Variants in SLC26A8 observed in about 807,000 individuals in gnomAD.
SLC26A8 encodes solute carrier family 26 member 8.
Under a neutral mutation model 105.0 loss-of-function variants are expected in SLC26A8, and 70 were observed. The observed-to-expected ratio is 0.67, with a 90% confidence interval of 0.55 to 0.81. The LOEUF (loss-of-function observed/expected upper bound fraction) is 0.81. SLC26A8 is among the 40% of genes least tolerant of loss of function. The probability of loss-of-function intolerance (pLI) is 0.00; values close to 1 mark genes in which losing one functional copy is unlikely to be tolerated. For missense variants in SLC26A8, 998 were observed against 1,181.8 expected (o/e 0.84, Z 2.28); for synonymous variants, 415 against 438.3 (o/e 0.95, Z 0.66).
intron 3 of SLC26A8, among the ~76,000 whole-genome samples, chr6:36,004,820 ATTT>A (rs750395557): frequency 0.12 from 14,335 of 121,718 alleles, 831 homozygotes; most frequent in Middle Eastern, 0.14. Context: ...ACCTAGTTAA[ATTT>A]TTTTTTTTTT....
chr6:35,948,630 C>A (rs1180674838), intron 19 of SLC26A8, among the ~76,000 whole-genome samples: 1 of 151,996 alleles, frequency 6.6e-6, no homozygotes, highest in Non-Finnish European at 1.5e-5. Flanking sequence ...GATACTGAAG[C>A]TATACAGAAA....
rs766782790 is a variant in SLC26A8, at chr6:35,977,285, T to C, written c.1092A>G (p.Leu364=). Residue 364 remains leucine, a synonymous_variant, in exon 9 of 20, where the codon TTA becomes TTG. Transcript: ENST00000490799. ...TGAGCAGAAAGGAGCTCACCAAAGA[T>C]AAGGAGAAGGCTTGTAAAATTATCT... ...LPKIILQAFS[L]SLVSSFLLIF... is the part of the protein sequence containing the mutation. 2.5e-6 allele frequency: 4 copies of C among 1,614,016 alleles called. No homozygotes were observed. The highest frequency in any genetic ancestry group is 2.5e-6 in the Non-Finnish European group (3 of 1,179,982).
At chr6:35,955,905 T>A (rs1243809578) in intron 16 of SLC26A8, among the ~76,000 whole-genome samples, 1 of 152,126 alleles carries the variant, frequency 6.6e-6, no homozygotes, top group Non-Finnish European at 1.5e-5. Context: ...ACCCTCTTCC[T>A]TCATCAGTGC....
At chr6:35,980,817 A>T (rs1773237401) in intron 8 of SLC26A8, among the ~76,000 whole-genome samples, 2 of 152,154 alleles carry the variant, frequency 1.3e-5, no homozygotes, top group Admixed American at 1.3e-4. Context: ...GTTCGAGATC[A>T]GCCTGGCCAA....
intron 1 of SLC26A8, 112 bp downstream of exon 1, chr6:36,024,392 C>A: frequency 2.2e-6 from 1 of 447,124 alleles, no homozygotes; most frequent in Non-Finnish European, 4.5e-6. Context: ...GACTGAGTGC[C>A]CACGGCGTGC....
chr6:35,973,706 C>T (rs1284165027), intron 10 of SLC26A8, among the ~76,000 whole-genome samples: 1 of 152,178 alleles, frequency 6.6e-6, no homozygotes, highest in Non-Finnish European at 1.5e-5. Flanking sequence ...ATCTTTCTGA[C>T]TTGTATTACC....
chr6:35,970,992 CT>C (rs1772776798), intron 10 of SLC26A8, among the ~76,000 whole-genome samples: 2 of 152,168 alleles, frequency 1.3e-5, no homozygotes, highest in South Asian at 4.1e-4. Flanking sequence ...CGCCAATGCA[CT>C]CCAGCCAGGG....
chr6:35,944,375 T>C, intron 19 of SLC26A8, 35 bp from the exon 20 acceptor site: 1 of 1,465,310 alleles, frequency 6.8e-7, no homozygotes, highest in Non-Finnish European at 9.5e-7. Flanking sequence ...AATTTCTAAT[T>C]AAATTTAACC....
At chr6:35,958,855 A>C (rs1373002180) in intron 16 of SLC26A8, among the ~76,000 whole-genome samples, 1 of 152,154 alleles carries the variant, frequency 6.6e-6, no homozygotes, top group Non-Finnish European at 1.5e-5. Context: ...GGGGGAAGGG[A>C]CTACTTAGAT....
At position 36,012,334 on chromosome 6, in the gene SLC26A8, AT is replaced by A. The variant is rs1761883839; in HGVS notation, c.226del (p.Ile76SerfsTer5). On this transcript the variant is annotated frameshift_variant, in exon 3 of 20. Coordinates refer to ENST00000490799, the MANE Select transcript of SLC26A8 (RefSeq NM_052961.4). LOFTEE classifies it high-confidence loss of function. ...ACACATCCATTCTAGGAAGGGAAAG[AT>A]TGTAAGCACGCATCGTAGGAACCTG... ...WHRFLRCVLTIFPFLEWMCMY... is the reference protein window; with the variant it reads ...WHRFLRCVLTXFPFLEWMCMY... The A allele has an allele frequency of 1.2e-6, 2 of 1,606,368 alleles. No homozygotes were observed. The highest frequency in any genetic ancestry group is 2.7e-5 in the African/African-American group (2 of 74,574).
chr6:35,997,979 C>A, intron 4 of SLC26A8, 60 bp from the exon 5 acceptor site: 1 of 1,490,892 alleles, frequency 6.7e-7, no homozygotes, highest in East Asian at 2.3e-5. Context: ...CTGATATTGA[C>A]AAAAGCAAGG....
At chr6:36,000,543 G>A (rs924890168) in intron 3 of SLC26A8, among the ~76,000 whole-genome samples, 9 of 152,202 alleles carry the variant, frequency 5.9e-5, no homozygotes, top group African/African-American at 2.2e-4. Context: ...AAGTTGGTAT[G>A]TGTTGGTTCT....
At chr6:35,960,683 A>C (rs1311221224) in intron 14 of SLC26A8, 160 bp downstream of exon 14, 14 of 704,876 alleles carry the variant, frequency 2.0e-5, no homozygotes, top group Non-Finnish European at 3.1e-5. Flanking sequence ...AATAAAAACA[A>C]AGAACCCATC....
intron 17 of SLC26A8, 104 bp from the exon 18 acceptor site, chr6:35,951,603 A>G: frequency 2.5e-6 from 3 of 1,217,902 alleles, no homozygotes; most frequent in South Asian, 2.5e-5. Flanking sequence ...TTTTTGTGAC[A>G]GAGTCTCACT....
chr6:35,978,839 TTCTTC>T (rs1366833503), intron 8 of SLC26A8, among the ~76,000 whole-genome samples: 1 of 140,182 alleles, frequency 7.1e-6, no homozygotes, highest in Non-Finnish European at 1.6e-5. Flanking sequence ...CTTCTTCTTC[TTCTTC>T]TTTTTTTTTT....
intron 7 of SLC26A8, among the ~76,000 whole-genome samples, 153 bp downstream of exon 7, chr6:35,991,506 A>C (rs1761158309): frequency 1.3e-5 from 2 of 152,218 alleles, no homozygotes; most frequent in Admixed American, 6.5e-5. Flanking sequence ...TGTAGTATTA[A>C]AATATTTTAG....
intron 14 of SLC26A8, 58 bp downstream of exon 14, chr6:35,960,785 T>C: frequency 6.6e-7 from 1 of 1,518,926 alleles, no homozygotes; most frequent in African/African-American, 1.4e-5. Flanking sequence ...AAACTAAGCA[T>C]GAGGTGGGGC....
chr6:35,955,545 G>A (rs1395153590), intron 16 of SLC26A8, 25 bp from the exon 17 acceptor site: 1 of 1,606,460 alleles, frequency 6.2e-7, no homozygotes, highest in East Asian at 2.2e-5. Context: ...TTAAGGGAGG[G>A]CTGTGGTAAG....
At chr6:35,977,147 G>C (rs1773068953) in intron 9 of SLC26A8, 57 bp downstream of exon 9, 1 of 1,553,652 alleles carries the variant, frequency 6.4e-7, no homozygotes, top group Non-Finnish European at 8.7e-7. Context: ...ATGTTGGCAG[G>C]AGGCTTTGAT....
Sources: gnomAD v4.1 joint callset for allele counts (sites outside exome capture counted in the v4.1 genomes callset) on GRCh38, gnomAD v4.1.1 for gene constraint, MANE v1.5 for transcripts, NCBI Gene and HGNC (gene_info 2026-07-23, HGNC 2026-07-21) for gene names.